Variants in NKAIN3 observed in about 807,000 individuals in gnomAD.
NKAIN3 encodes sodium/potassium transporting ATPase interacting 3, also known as sodium/potassium-transporting ATPase subunit beta-1-interacting protein 3.
Under a neutral mutation model 30.2 loss-of-function variants are expected in NKAIN3, and 25 were observed. That is an observed-to-expected ratio of 0.83 (90% CI 0.60 to 1.16). The LOEUF (loss-of-function observed/expected upper bound fraction) is 1.16, where lower values mean the gene tolerates loss of function less well. Among genes scored for constraint, NKAIN3 ranks in the 50% most tolerant of loss-of-function variants. NKAIN3 has a pLI of 0.00. For synonymous variants in NKAIN3, 91 were observed against 89.6 expected (o/e 1.02, Z -0.09); for missense variants, 225 against 254.1 (o/e 0.89, Z 0.78).
intron 4 of NKAIN3, among the ~76,000 whole-genome samples, chr8:62,799,908 G>A (rs1312418182): frequency 6.6e-6 from 1 of 152,074 alleles, no homozygotes; most frequent in African/African-American, 2.4e-5. Flanking sequence ...TAGCAACCTG[G>A]GTGGAATTGG....
intron 5 of NKAIN3, among the ~76,000 whole-genome samples, chr8:62,931,695 C>T (rs1822623436): frequency 6.6e-6 from 1 of 152,124 alleles, no homozygotes; most frequent in Non-Finnish European, 1.5e-5. Context: ...AAGAAAATCT[C>T]ATTCCATAAA....
rs182474854 is a variant in NKAIN3 at position 62,416,858 on chromosome 8, G to A, written c.55-162681G>A. On this transcript the variant is annotated intron_variant, in intron 1 of 6. Coordinates refer to ENST00000623646, the MANE Select transcript of NKAIN3 (RefSeq NM_001304533.3). ...AAAAATACAAAATTAGCTGAGCATG[G>A]TGGCGCACCAGTAATCCCAGCTACT... is the stretch of plus-strand genomic sequence containing the variant. Among the ~76,000 whole-genome samples, 1,195 of 151,998 alleles carry A rather than the reference G, an allele frequency of 7.9e-3. 12 individuals are homozygous for A. The highest frequency in any genetic ancestry group is 0.028 in the African/African-American group (1,149 of 41,456).
intron 4 of NKAIN3, among the ~76,000 whole-genome samples, chr8:62,891,913 A>C (rs534630393): frequency 4.6e-5 from 7 of 152,114 alleles, no homozygotes; most frequent in Non-Finnish European, 7.4e-5. Context: ...TGATGAGACT[A>C]AAGTAGGGAT....
chr8:62,433,385 A>G (rs891062050), intron 1 of NKAIN3, among the ~76,000 whole-genome samples: 1 of 152,170 alleles, frequency 6.6e-6, no homozygotes, highest in Non-Finnish European at 1.5e-5. Flanking sequence ...GTAGTTACAG[A>G]TATTAGTAAA....
At chr8:62,469,418 G>A (rs1402246504) in intron 1 of NKAIN3, among the ~76,000 whole-genome samples, 1 of 152,118 alleles carries the variant, frequency 6.6e-6, no homozygotes, top group Non-Finnish European at 1.5e-5. Flanking sequence ...AGTTGAATAT[G>A]AACCAAGTTA....
rs138819060 is a variant in NKAIN3 at position 62,341,120 on chromosome 8, A to G, written c.54+91993A>G. On this transcript the variant is annotated intron_variant, in intron 1 of 6. Coordinates refer to ENST00000623646, the MANE Select transcript of NKAIN3 (RefSeq NM_001304533.3). ...TATTTTAGAATTCATGGGACAGCTCACTTTCTAGCCATTAATTTGAGCTTT... is the reference window on the plus strand; with the variant it reads ...TATTTTAGAATTCATGGGACAGCTCGCTTTCTAGCCATTAATTTGAGCTTT... 4.6e-5 allele frequency among the ~76,000 whole-genome samples: 7 copies of G among 152,188 alleles called. No individual in the cohort carries two copies. The East Asian group carries it at 1.4e-3, about 29-fold the overall frequency.
chr8:62,579,977 C>T (rs1810241139), intron 2 of NKAIN3, among the ~76,000 whole-genome samples: 1 of 152,106 alleles, frequency 6.6e-6, no homozygotes, highest in Admixed American at 6.6e-5. Flanking sequence ...AGGAGGTCTG[C>T]TTGTAGTCTT....
intron 1 of NKAIN3, among the ~76,000 whole-genome samples, chr8:62,275,447 T>C (rs1812917003): frequency 6.6e-6 from 1 of 152,218 alleles, no homozygotes; most frequent in Admixed American, 6.5e-5. Context: ...AGAAATTTTG[T>C]AATTCTGAAT....
intron 1 of NKAIN3, among the ~76,000 whole-genome samples, chr8:62,346,936 C>A (rs1164562959): frequency 6.6e-6 from 1 of 152,000 alleles, no homozygotes; most frequent in African/African-American, 2.4e-5. Flanking sequence ...TTTATTATGG[C>A]CAATCTGAAA....
chr8:62,389,794 G>T (rs1012055138), intron 1 of NKAIN3, among the ~76,000 whole-genome samples: 1 of 152,132 alleles, frequency 6.6e-6, no homozygotes, highest in Non-Finnish European at 1.5e-5. Context: ...TCCAGGCCTT[G>T]TGGGTGTCAT....
At chr8:62,552,836 C>T (rs929586998) in intron 1 of NKAIN3, among the ~76,000 whole-genome samples, 1 of 152,156 alleles carries the variant, frequency 6.6e-6, no homozygotes, top group African/African-American at 2.4e-5. Flanking sequence ...ATTCTGAAAG[C>T]AGAGGTAGAA....
At chr8:62,518,134 G>T (rs1808050205) in intron 1 of NKAIN3, among the ~76,000 whole-genome samples, 1 of 152,134 alleles carries the variant, frequency 6.6e-6, no homozygotes, top group South Asian at 2.1e-4. Flanking sequence ...GCCAAGGTGG[G>T]AGGATCACTT....
At chr8:62,425,825 T>C (rs1804788514) in intron 1 of NKAIN3, among the ~76,000 whole-genome samples, 1 of 152,102 alleles carries the variant, frequency 6.6e-6, no homozygotes, top group East Asian at 1.9e-4. Flanking sequence ...CTTTGTTTAG[T>C]AGCTTGTTTT....
intron 1 of NKAIN3, among the ~76,000 whole-genome samples, chr8:62,262,731 T>A (rs1001105438): frequency 1.3e-5 from 2 of 152,090 alleles, no homozygotes; most frequent in African/African-American, 4.8e-5. Flanking sequence ...CCGCACGTGG[T>A]TCTGTTGAAG....
At chr8:62,521,851 T>A (rs1325846805) in intron 1 of NKAIN3, among the ~76,000 whole-genome samples, 2 of 152,168 alleles carry the variant, frequency 1.3e-5, no homozygotes, top group Non-Finnish European at 2.9e-5. Flanking sequence ...TTAGTTAAGT[T>A]TCCCCCTAAA....
chr8:62,395,548 A>C (rs921128073), intron 1 of NKAIN3, among the ~76,000 whole-genome samples: 1 of 152,254 alleles, frequency 6.6e-6, no homozygotes, highest in Non-Finnish European at 1.5e-5. Context: ...TTTTCTTTAT[A>C]GCTAAATATC....
chr8:62,652,391 C>G (rs1812648557), intron 3 of NKAIN3, among the ~76,000 whole-genome samples: 1 of 152,148 alleles, frequency 6.6e-6, no homozygotes, highest in South Asian at 2.1e-4. Context: ...TGCAAAGGCT[C>G]TCCCCACACT....
intron 1 of NKAIN3, among the ~76,000 whole-genome samples, chr8:62,433,261 A>G (rs964164944): frequency 6.6e-6 from 1 of 152,228 alleles, no homozygotes; most frequent in Non-Finnish European, 1.5e-5. Flanking sequence ...AATTCTTACT[A>G]AGTTTATTAC....
At chr8:62,736,732 C>G (rs1267924075) in intron 3 of NKAIN3, among the ~76,000 whole-genome samples, 1 of 152,174 alleles carries the variant, frequency 6.6e-6, no homozygotes, top group Non-Finnish European at 1.5e-5. Context: ...AGGAAAACTT[C>G]GCATTCAGTC....
Sources: gnomAD v4.1 joint callset for allele counts (sites outside exome capture counted in the v4.1 genomes callset) on GRCh38, gnomAD v4.1.1 for gene constraint, MANE v1.5 for transcripts, NCBI Gene and HGNC (gene_info 2026-07-23, HGNC 2026-07-21) for gene names.